Variants in GRIK5 observed in about 807,000 individuals in gnomAD.
GRIK5 encodes the protein glutamate ionotropic receptor kainate type subunit 5, also known as glutamate receptor ionotropic, kainate 5.
A neutral mutation model predicts 97.4 loss-of-function variants in GRIK5; 43 were observed. The observed-to-expected ratio is 0.44, with a 90% CI of 0.35 to 0.57. The LOEUF is 0.57. GRIK5 is among the 20% of genes least tolerant of loss of function. The probability of loss-of-function intolerance (pLI) is 0.01; values close to 1 mark genes in which losing one functional copy is unlikely to be tolerated. For missense variants in GRIK5, 1,015 were observed against 1,382.0 expected (o/e 0.73, Z 4.21); for synonymous variants, 580 against 583.5 (o/e 0.99, Z 0.09).
chr19:42,003,594 C>G lies in GRIK5; in HGVS notation c.2353G>C (p.Gly785Arg), dbSNP rs782544338. The stretch of plus-strand genomic sequence containing the variant: ...TCCTCCTCCTTGGGGCACCGGCCCC[C>G]CTCCCACCACTTGCGCTTCAGGATC... ...LEILKRKWWE[G>R]GRCPKEEDHR... Residue 785 changes from glycine to arginine, a missense_variant, in exon 18 of 20, where the codon GGG becomes CGG. Gly to Arg is a moderately radical substitution (Grantham distance 125). Coordinates refer to ENST00000593562, the MANE Select transcript of GRIK5 (RefSeq NM_002088.5). This position sits in a 1 kb window ranked among gnomAD's most constrained non-coding sequence, Gnocchi z 4.2. 2 of 1,613,344 alleles carry G rather than the reference C, an allele frequency of 1.2e-6. No individual in the cohort carries two copies. Among genetic ancestry groups the G allele is most frequent in the Non-Finnish European group, 1.7e-6 (2 of 1,179,606 alleles).
chr19:42,003,385 C>T lies in GRIK5; in HGVS notation c.2461G>A (p.Val821Met), dbSNP rs376852933. Residue 821 changes from valine (V) to methionine (M), a missense_variant, in exon 19 of 20, where the codon GTG becomes ATG. By Grantham distance (21) the Val-to-Met change is conservative (BLOSUM62 1). Transcript: ENST00000593562. The surrounding 1 kb of genome is among the most constrained non-coding windows in gnomAD (Gnocchi z 4.2). ...LICGLIIAVF[V>M]AVMEFIWSTR... The stretch of plus-strand genomic sequence containing the variant: ...GACCATATGAATTCCATGACCGCCA[C>T]GAAGACAGCAATGATGAGGCCACAG... 5.0e-6 allele frequency: 8 copies of T among 1,613,460 alleles called. No individual in the cohort carries two copies. Among genetic ancestry groups the T allele is most frequent in the East Asian group, 2.2e-5 (1 of 44,860 alleles).
intron 1 of GRIK5, chr19:42,069,003 C>A (rs1263042046): frequency 1.9e-6 from 1 of 521,068 alleles, no homozygotes; most frequent in Non-Finnish European, 3.4e-6. Flanking sequence ...CCCGTAGGAC[C>A]CCAGAAAGCT....
At chr19:42,039,048 C>A (rs962312459) in intron 12 of GRIK5, among the ~76,000 whole-genome samples, 1 of 152,184 alleles carries the variant, frequency 6.6e-6, no homozygotes, top group Non-Finnish European at 1.5e-5. Flanking sequence ...GCTCTTTAGC[C>A]CTTCCCCTAG....
intron 7 of GRIK5, 35 bp from the exon 8 acceptor site, chr19:42,056,858 A>G: frequency 1.9e-6 from 3 of 1,613,710 alleles, no homozygotes; most frequent in Non-Finnish European, 2.5e-6. Context: ...GCCTGGGGCT[A>G]AGCCCTAATG....
chr19:42,015,612 C>A (rs1262043002), intron 15 of GRIK5, among the ~76,000 whole-genome samples: 2 of 152,200 alleles, frequency 1.3e-5, no homozygotes, highest in Non-Finnish European at 2.9e-5. Context: ...CCCTTCCTCA[C>A]TGGGTTTTGT....
intron 12 of GRIK5, among the ~76,000 whole-genome samples, chr19:42,036,635 C>T (rs1385880163): frequency 5.3e-5 from 8 of 152,198 alleles, no homozygotes; most frequent in African/African-American, 1.2e-4. Context: ...GGATTACAGG[C>T]GTAAGCCACC....
intron 11 of GRIK5, among the ~76,000 whole-genome samples, chr19:42,048,690 T>A (rs1168800333): frequency 2.0e-5 from 3 of 151,922 alleles, no homozygotes; most frequent in Non-Finnish European, 4.4e-5. Context: ...ATATCCCAAT[T>A]TTTTTAAAAT....
At chr19:42,023,023 T>G (rs2075721360) in intron 12 of GRIK5, among the ~76,000 whole-genome samples, 1 of 151,616 alleles carries the variant, frequency 6.6e-6, no homozygotes, top group South Asian at 2.1e-4. Flanking sequence ...AAACCCAAGG[T>G]TGGTGAGAGA....
chr19:42,063,220 A>C (rs963357720), intron 3 of GRIK5: 1 of 466,040 alleles, frequency 2.1e-6, no homozygotes, highest in Non-Finnish European at 4.3e-6. Flanking sequence ...CGGTGCACTC[A>C]CCACCTCCTC....
intron 19 of GRIK5, chr19:42,001,916 G>C: frequency 1.7e-6 from 1 of 573,304 alleles, no homozygotes; most frequent in Non-Finnish European, 3.1e-6. Flanking sequence ...AGACCGAGAA[G>C]AGAAGCAGTC....
intron 12 of GRIK5, among the ~76,000 whole-genome samples, chr19:42,025,749 C>A (rs1387160861): frequency 6.6e-6 from 1 of 152,154 alleles, no homozygotes; most frequent in African/African-American, 2.4e-5. Flanking sequence ...TCTCTGCCTC[C>A]CAGGACACAC....
intron 15 of GRIK5, among the ~76,000 whole-genome samples, chr19:42,014,229 A>AC: frequency 6.6e-6 from 1 of 151,856 alleles, no homozygotes; most frequent in African/African-American, 2.4e-5. Flanking sequence ...CCCCATCTCT[A>AC]CTAAAATACA....
At chr19:42,058,053 T>A (rs2146159902) in intron 6 of GRIK5, among the ~76,000 whole-genome samples, 1 of 152,296 alleles carries the variant, frequency 6.6e-6, no homozygotes, top group Non-Finnish European at 1.5e-5. Flanking sequence ...GGGGCCGGGA[T>A]CCCAGCCCAG....
chr19:42,047,937 C>T (rs184435396), intron 11 of GRIK5, among the ~76,000 whole-genome samples: 100 of 134,664 alleles, frequency 7.4e-4, no homozygotes, highest in African/African-American at 2.7e-3. Flanking sequence ...CATGCTACTA[C>T]ATTCCAGCCT....
Position 42,069,999 on chromosome 19 carries a change from G to A in GRIK5, c.-809C>T, listed in dbSNP as rs1352585884. Among the ~76,000 whole-genome samples, 1 of 151,902 alleles carries A rather than the reference G, an allele frequency of 6.6e-6. No homozygotes were observed. The highest frequency in any genetic ancestry group is 1.9e-4 in the East Asian group (1 of 5,162). On this transcript the variant is annotated 5_prime_UTR_variant, in exon 1 of 20. Transcript: ENST00000593562. Reference sequence around the variant, plus strand: ...GAAGAGAAAGGCGGAGGAGGGTGGGGTGTCCCAGGGGCTCCCGGTGCTGGG... The same window carrying A: ...GAAGAGAAAGGCGGAGGAGGGTGGGATGTCCCAGGGGCTCCCGGTGCTGGG...
At chr19:42,040,631 C>A (rs184059343) in intron 12 of GRIK5, among the ~76,000 whole-genome samples, 1 of 152,048 alleles carries the variant, frequency 6.6e-6, no homozygotes, top group African/African-American at 2.4e-5. Context: ...GTGAGGTGGG[C>A]GGATCACTTG....
At position 42,021,978 on chromosome 19, in the gene GRIK5, C is replaced by T. The variant is rs1173610152; in HGVS notation, c.1666G>A (p.Ala556Thr). 1 of 1,613,604 alleles carries T rather than the reference C, an allele frequency of 6.2e-7. No homozygotes were observed. Among genetic ancestry groups the T allele is most frequent in the Non-Finnish European group, 8.5e-7 (1 of 1,179,710 alleles). The stretch of plus-strand genomic sequence containing the variant: ...GCCAGAAACAGGACGCAGCTGACAG[C>T]CAGGTAGGCAAGAAGCATGAAGAGC... Reference protein sequence around the residue: ...VWLFMLLAYLAVSCVLFLAAR... With the variant: ...VWLFMLLAYLTVSCVLFLAAR... The change falls in exon 14 of 20, where the codon GCT becomes ACT. Residue 556 changes from alanine (A) to threonine (T), a missense_variant. By Grantham distance (58) the Ala-to-Thr change is moderately conservative. Around this residue, in one of 5 missense-constraint regions of GRIK5, gnomAD observed 477 missense variants for 701.1 expected, o/e 0.68. Coordinates refer to ENST00000593562, the MANE Select transcript of GRIK5 (RefSeq NM_002088.5). This position sits in a 1 kb window ranked among gnomAD's most constrained non-coding sequence, Gnocchi z 4.2.
intron 12 of GRIK5, among the ~76,000 whole-genome samples, chr19:42,036,865 T>G (rs1379715800): frequency 6.6e-6 from 1 of 152,198 alleles, no homozygotes; most frequent in Non-Finnish European, 1.5e-5. Flanking sequence ...GTCTTGGTCA[T>G]GCCAGCATCT....
chr19:42,003,784 A>G lies in GRIK5; in HGVS notation c.2264-101T>C, dbSNP rs2075454395. ...CTCACCACGGCCTTCCCCCGCCTCT[A>G]CCACGTGCCCAGGGTCTTCCCTGCA... On this transcript the variant is annotated intron_variant, in intron 17 of 19. Transcript: ENST00000593562. This position sits in a 1 kb window ranked among gnomAD's most constrained non-coding sequence, Gnocchi z 4.2. The G allele has an allele frequency of 3.8e-6, 5 of 1,313,726 alleles. No individual in the cohort carries two copies. In the South Asian group the frequency reaches 6.2e-5, roughly 16 times the overall value. The allele number at this position is 1,313,726 out of a possible 1,614,324, so 81.4% of individuals were successfully genotyped here. A position where few individuals can be genotyped will look rare whatever the true frequency, so the allele number is the denominator to read the frequency against.
Sources: allele counts gnomAD v4.1 joint callset (sites outside exome capture counted in the v4.1 genomes callset), GRCh38; gene constraint gnomAD v4.1.1; regional missense constraint gnomAD v4.1.1; non-coding constraint Gnocchi (gnomAD v3.1); transcripts MANE v1.5; gene names NCBI Gene and HGNC (gene_info 2026-07-23, HGNC 2026-07-21).